The following ABCA4 variants were observed in gnomAD, a reference collection of about 807,000 sequenced individuals.
ABCA4 encodes retinal-specific phospholipid-transporting ATPase ABCA4.
Under a neutral mutation model 263.7 loss-of-function variants are expected in ABCA4, and 196 were observed. That is an observed-to-expected ratio of 0.74 (90% confidence interval 0.66 to 0.84). The LOEUF is 0.84. Among genes scored for constraint, ABCA4 ranks in the 40% least tolerant of loss-of-function variants. The pLI, the probability that ABCA4 is intolerant of heterozygous loss-of-function variation, is 0.00. For synonymous variants in ABCA4, 1,133 were observed against 1,094.2 expected (o/e 1.04, Z -0.70); for missense variants, 2,792 against 2,855.1 (o/e 0.98, Z 0.50).
At chr1:94,020,897 A>C (rs1355932738) in intron 35 of ABCA4, among the ~76,000 whole-genome samples, 4 of 152,248 alleles carry the variant, frequency 2.6e-5, no homozygotes, top group African/African-American at 9.6e-5. Flanking sequence ...ACTCCGAGGG[A>C]GCTGAAAGGT....
intron 4 of ABCA4, among the ~76,000 whole-genome samples, chr1:94,106,088 C>T (rs1662426439): frequency 6.6e-6 from 1 of 152,218 alleles, no homozygotes. Flanking sequence ...GGGATGGACC[C>T]CTGTTCCCTC....
chr1:94,112,373 C>T (rs1662632093), intron 2 of ABCA4, among the ~76,000 whole-genome samples: 1 of 152,196 alleles, frequency 6.6e-6, no homozygotes, highest in Non-Finnish European at 1.5e-5. Context: ...ATCTACAAAT[C>T]TGTTCTCTTT....
At chr1:94,117,898 T>C (rs1002482859) in intron 1 of ABCA4, among the ~76,000 whole-genome samples, 13 of 152,222 alleles carry the variant, frequency 8.5e-5, no homozygotes, top group African/African-American at 2.7e-4. Context: ...AGGTCCAGTG[T>C]TGGTTTACAT....
At chr1:94,090,290 C>G (rs1314187842) in intron 6 of ABCA4, among the ~76,000 whole-genome samples, 1 of 151,938 alleles carries the variant, frequency 6.6e-6, no homozygotes, top group Non-Finnish European at 1.5e-5. Context: ...AATTACCTTC[C>G]TTAAATATTC....
intron 36 of ABCA4, 26 bp from the exon 37 acceptor site, chr1:94,015,880 T>A: frequency 6.3e-7 from 1 of 1,586,890 alleles, no homozygotes; most frequent in Non-Finnish European, 8.6e-7. Context: ...GGAGAGCAAG[T>A]CACTTAACCT....
rs886041951 is a variant in ABCA4, at chr1:94,083,357, G to A, written c.853C>T (p.Gln285Ter). The change falls in exon 7 of 50, where the codon CAA becomes TAA. Residue 285 changes from glutamine (Q) to a stop codon, truncating the protein, a stop_gained. Transcript: ENST00000370225. LOFTEE classifies it high-confidence loss of function. ...GILSDMSPRIQEFIHRPSMQD... is the reference protein window; with the variant it reads ...GILSDMSPRI ...ACTACCATCAGGCTACTCACCTCTT[G>A]AATTCTTGGTGACATATCAGATAAT... The A allele has an allele frequency of 1.2e-6, 2 of 1,607,874 alleles. No individual in the cohort carries two copies. The highest frequency in any genetic ancestry group is 1.7e-6 in the Non-Finnish European group (2 of 1,174,788).
At chr1:94,051,831 C>T (rs1660850240) in intron 16 of ABCA4, 133 bp from the exon 17 acceptor site, 3 of 728,038 alleles carry the variant, frequency 4.1e-6, no homozygotes, top group Non-Finnish European at 7.3e-6. Context: ...GTTATTATTA[C>T]ATGGCTATTC....
intron 38 of ABCA4, among the ~76,000 whole-genome samples, chr1:94,013,238 G>A (rs1439648650): frequency 1.3e-5 from 2 of 151,892 alleles, no homozygotes; most frequent in African/African-American, 2.4e-5. Flanking sequence ...CCTTTCCAGA[G>A]TCTGACTCTG....
chr1:94,116,925 T>A (rs1414228525), intron 1 of ABCA4, among the ~76,000 whole-genome samples: 1 of 151,976 alleles, frequency 6.6e-6, no homozygotes, highest in African/African-American at 2.4e-5. Flanking sequence ...TCTTTTTCTT[T>A]TCTTTTCTTT....
chr1:94,044,807 A>G, intron 19 of ABCA4, 63 bp from the exon 20 acceptor site: 30 of 1,611,324 alleles, frequency 1.9e-5, no homozygotes, highest in Non-Finnish European at 2.3e-5. Flanking sequence ...TAGGAGGGCC[A>G]CCCCCACACC....
intron 6 of ABCA4, among the ~76,000 whole-genome samples, chr1:94,091,326 T>C (rs1203406518): frequency 1.3e-5 from 2 of 152,150 alleles, no homozygotes; most frequent in East Asian, 3.9e-4. Context: ...CTTACATCTC[T>C]GAATACTGCC....
rs61748521 is a variant in ABCA4, at chr1:93,997,869, G to A, written c.6721C>T (p.Leu2241=). The change falls in exon 48 of 50, where the codon CTG becomes TTG. Residue 2241 remains leucine, a synonymous_variant. Coordinates refer to ENST00000370225, the MANE Select transcript of ABCA4 (RefSeq NM_000350.3). ...CCCCAGGGCCAACTTGCCTGGTCCA[G>A]TGTGGTCTGTGTGACTGAGTACTCC... ...IEEYSVTQTT[L]DQVFVNFAKQ... 6 of 1,613,992 alleles carry A rather than the reference G, an allele frequency of 3.7e-6. No homozygotes were observed. The highest frequency in any genetic ancestry group is 5.1e-6 in the Non-Finnish European group (6 of 1,180,006).
At chr1:94,051,833 T>C in intron 16 of ABCA4, 135 bp from the exon 17 acceptor site, 1 of 727,324 alleles carries the variant, frequency 1.4e-6, no homozygotes, top group Non-Finnish European at 2.4e-6. Context: ...TATTATTACA[T>C]GGCTATTCTC....
chr1:94,045,371 G>T (rs1378938717), intron 19 of ABCA4, among the ~76,000 whole-genome samples: 2 of 139,938 alleles, frequency 1.4e-5, no homozygotes, highest in Non-Finnish European at 3.1e-5. Flanking sequence ...TCCTTAGGTT[G>T]TTGTAAGGCT....
Position 94,121,001 on chromosome 1 carries a change from CCA to C in ABCA4, c.43_44del (p.Trp15AspfsTer38). ...TTACCTTTTGCCTTTTCCGCAGGGT[CCA>C]GTTCTTCCAGAGCAAAAGCTGTATC... Reference protein sequence around the residue: ...RQIQLLLWKNWTLRKRQKIRF... With the variant: ...RQIQLLLWKNXTLRKRQKIRF... On this transcript the variant is annotated frameshift_variant, in exon 1 of 50. Coordinates refer to ENST00000370225, the MANE Select transcript of ABCA4 (RefSeq NM_000350.3). LOFTEE classifies it high-confidence loss of function. The C allele has an allele frequency of 3.7e-6, 6 of 1,607,906 alleles. No individual in the cohort carries two copies. Among genetic ancestry groups the C allele is most frequent in the Non-Finnish European group, 5.1e-6 (6 of 1,176,530 alleles).
chr1:94,014,452 C>A, intron 38 of ABCA4, 91 bp downstream of exon 38: 1 of 1,446,952 alleles, frequency 6.9e-7, no homozygotes, highest in Non-Finnish European at 9.7e-7. Flanking sequence ...ACAGCTGCTA[C>A]ATGTACGATG....
intron 18 of ABCA4, 32 bp from the exon 19 acceptor site, chr1:94,047,125 C>T (rs1660709054): frequency 6.2e-7 from 1 of 1,611,754 alleles, no homozygotes; most frequent in Non-Finnish European, 8.5e-7. Context: ...ATGATGTAAA[C>T]ATAATGCCTA....
chr1:94,049,364 G>A (rs1314278261), intron 17 of ABCA4, among the ~76,000 whole-genome samples: 5 of 152,170 alleles, frequency 3.3e-5, no homozygotes, highest in African/African-American at 7.2e-5. Flanking sequence ...GGTGGCTCAC[G>A]CCTGTAATCC....
chr1:94,041,762 C>A (rs1348010244), intron 22 of ABCA4, among the ~76,000 whole-genome samples: 1 of 152,114 alleles, frequency 6.6e-6, no homozygotes, highest in East Asian at 1.9e-4. Flanking sequence ...TCATAAAGAA[C>A]ACACACGTGC....
Sources: allele counts gnomAD v4.1 joint callset (sites outside exome capture counted in the v4.1 genomes callset), GRCh38; gene constraint gnomAD v4.1.1; transcripts MANE v1.5; gene names NCBI Gene and HGNC (gene_info 2026-07-23, HGNC 2026-07-21).